Variants in OXSR1 observed in about 807,000 individuals in gnomAD.
OXSR1 encodes the protein oxidative stress responsive kinase 1.
OXSR1 carries 24 observed loss-of-function variants against 79.8 expected under a neutral mutation model. That is an observed-to-expected ratio of 0.30 (90% CI 0.22 to 0.42). OXSR1 has a LOEUF of 0.42. Ranked by LOEUF, OXSR1 falls within the 10% of genes least tolerant of loss-of-function variation. The pLI is 1.00. For synonymous variants in OXSR1, 226 were observed against 209.2 expected (o/e 1.08, Z -0.69); for missense variants, 430 against 618.4 (o/e 0.70, Z 3.23).
intron 4 of OXSR1, among the ~76,000 whole-genome samples, chr3:38,214,988 G>A (rs894595462): frequency 6.6e-6 from 1 of 152,108 alleles, no homozygotes; most frequent in Non-Finnish European, 1.5e-5. Context: ...AGCTTCAAGG[G>A]CTACCTTTCT....
intron 4 of OXSR1, among the ~76,000 whole-genome samples, chr3:38,212,806 T>C (rs902898456): frequency 9.2e-5 from 14 of 152,358 alleles, no homozygotes; most frequent in Non-Finnish European, 1.3e-4. Context: ...GCTGCTGACT[T>C]GCTTGATATT....
At chr3:38,217,191 G>T (rs1172214637) in intron 5 of OXSR1, among the ~76,000 whole-genome samples, 3 of 152,180 alleles carry the variant, frequency 2.0e-5, no homozygotes, top group African/African-American at 7.2e-5. Context: ...CTAGTAATTT[G>T]TTAAATGCAA....
At chr3:38,166,486 T>G (rs908747419) in intron 1 of OXSR1, among the ~76,000 whole-genome samples, 1 of 151,788 alleles carries the variant, frequency 6.6e-6, no homozygotes, top group African/African-American at 2.4e-5. Context: ...AGACATTAAA[T>G]AAGAAGACAA....
Position 38,224,737 on chromosome 3 carries a change from T to C in OXSR1, c.836+33T>C, listed in dbSNP as rs140121989. 1.3e-4 allele frequency: 183 copies of C among 1,418,822 alleles called. No homozygotes were observed. The African/African-American group carries it at 2.4e-3, about 18-fold the overall frequency. The allele number at this position is 1,418,822 out of a possible 1,614,324, so 87.9% of individuals were successfully genotyped here. A position where few individuals can be genotyped will look rare whatever the true frequency, so the allele number is the denominator to read the frequency against. On this transcript the variant is annotated intron_variant, in intron 8 of 17. Coordinates refer to ENST00000311806, the MANE Select transcript of OXSR1 (RefSeq NM_005109.3). ...ATGAGAAAAAGTCTACTTTTCTCTC[T>C]AATAAAACATTGTGAGAAGTCTAAG...
At chr3:38,218,340 C>T (rs192740805) in intron 5 of OXSR1, among the ~76,000 whole-genome samples, 1 of 151,716 alleles carries the variant, frequency 6.6e-6, no homozygotes, top group African/African-American at 2.4e-5. Context: ...TTTGTTTTTT[C>T]AGGTGGTAGC....
chr3:38,185,903 C>A (rs576273548), intron 2 of OXSR1, among the ~76,000 whole-genome samples: 1 of 136,440 alleles, frequency 7.3e-6, no homozygotes, highest in East Asian at 2.4e-4. Flanking sequence ...CACGTTCATG[C>A]CACTGCATGC....
At chr3:38,218,326 G>T (rs1191361817) in intron 5 of OXSR1, among the ~76,000 whole-genome samples, 2 of 151,836 alleles carry the variant, frequency 1.3e-5, no homozygotes, top group African/African-American at 4.8e-5. Context: ...TAGTTTCTGG[G>T]TTTTTTGTTT....
Position 38,224,615 on chromosome 3 carries a change from T to C in OXSR1, c.747T>C (p.Thr249=), listed in dbSNP as rs896707963. The C allele has an allele frequency of 5.0e-6, 8 of 1,595,996 alleles. No homozygotes were observed. The highest frequency in any genetic ancestry group is 6.8e-6 in the Non-Finnish European group (8 of 1,172,694). The change falls in exon 8 of 18, where the codon ACT becomes ACC. Residue 249 remains threonine (T), a synonymous_variant. Coordinates refer to ENST00000311806, the MANE Select transcript of OXSR1 (RefSeq NM_005109.3). Reference sequence around the variant, plus strand: ...AGAACGATCCTCCTTCTTTGGAAACTGGTGTTCAAGATAAAGAAATGCTGA... The same window carrying C: ...AGAACGATCCTCCTTCTTTGGAAACCGGTGTTCAAGATAAAGAAATGCTGA... ...TLQNDPPSLE[T]GVQDKEMLKK...
At chr3:38,195,216 G>C (rs1702052445) in intron 3 of OXSR1, among the ~76,000 whole-genome samples, 1 of 151,444 alleles carries the variant, frequency 6.6e-6, no homozygotes, top group African/African-American at 2.4e-5. Flanking sequence ...CTTCTGAGAG[G>C]AAAAAAAAGG....
At chr3:38,250,208 A>G (rs1703227701) in intron 15 of OXSR1, 190 bp downstream of exon 15, 1 of 557,006 alleles carries the variant, frequency 1.8e-6, no homozygotes, top group African/African-American at 1.9e-5. Context: ...AAAACCTTGT[A>G]TAATAATACA....
chr3:38,222,462 G>T (rs1432345336), intron 6 of OXSR1, among the ~76,000 whole-genome samples: 1 of 152,108 alleles, frequency 6.6e-6, no homozygotes, highest in Non-Finnish European at 1.5e-5. Flanking sequence ...GGATTGTTGG[G>T]CTAGGAGACA....
At chr3:38,221,734 G>C in intron 6 of OXSR1, 47 bp downstream of exon 6, 1 of 1,170,462 alleles carries the variant, frequency 8.5e-7, no homozygotes, top group Admixed American at 2.0e-5. Context: ...GCTTTGTTTT[G>C]AAACTGAAAA....
At position 38,230,400 on chromosome 3, in the gene OXSR1, A is replaced by C. The variant is rs760822205; in HGVS notation, c.921A>C (p.Arg307Ser). The C allele has an allele frequency of 6.2e-7, 1 of 1,602,852 alleles. No individual in the cohort carries two copies. The highest frequency in any genetic ancestry group is 8.5e-7 in the Non-Finnish European group (1 of 1,171,006). ...KEFLQEKTLQRAPTISERAKK... is the reference protein window; with the variant it reads ...KEFLQEKTLQSAPTISERAKK... ...TTCTTCAAGAAAAAACATTGCAGAG[A>C]GCACCAACCATTTCTGAAAGAGCAA... Residue 307 changes from arginine (R) to serine (S), a missense_variant, in exon 10 of 18, where the codon AGA (arginine) becomes AGC (serine). This residue lies in a region of OXSR1 where 276 missense variants were observed against 354.2 expected (regional missense o/e 0.78). Transcript: ENST00000311806.
At chr3:38,207,908 C>CCCCCTCCCCT (rs1294902862) in intron 4 of OXSR1, among the ~76,000 whole-genome samples, 2 of 99,196 alleles carry the variant, frequency 2.0e-5, no homozygotes, top group Admixed American at 2.5e-4. Flanking sequence ...CCTCCCCCCT[C>CCCCCTCCCCT]CCCCTCCCCT....
At chr3:38,201,892 A>T (rs1438377381) in intron 4 of OXSR1, among the ~76,000 whole-genome samples, 2 of 152,096 alleles carry the variant, frequency 1.3e-5, no homozygotes, top group African/African-American at 2.4e-5. Context: ...CTCTTTCTCC[A>T]TTTTTGTCTT....
chr3:38,200,404 G>A (rs910375501), intron 4 of OXSR1, among the ~76,000 whole-genome samples: 3 of 152,152 alleles, frequency 2.0e-5, no homozygotes, highest in African/African-American at 7.2e-5. Context: ...GAAAAACTCA[G>A]GAAACATAAT....
intron 4 of OXSR1, among the ~76,000 whole-genome samples, chr3:38,214,497 T>C (rs1702446822): frequency 1.3e-5 from 2 of 152,200 alleles, no homozygotes; most frequent in African/African-American, 4.8e-5. Flanking sequence ...AACTATACTT[T>C]TCTTCCCTCA....
intron 3 of OXSR1, chr3:38,193,294 G>A: frequency 7.8e-7 from 1 of 1,289,738 alleles, no homozygotes; most frequent in Non-Finnish European, 1.0e-6. Context: ...ACACACTGGA[G>A]AAACTGGATT....
At chr3:38,168,632 A>T (rs1575300538) in intron 1 of OXSR1, among the ~76,000 whole-genome samples, 1 of 152,224 alleles carries the variant, frequency 6.6e-6, no homozygotes, top group African/African-American at 2.4e-5. Context: ...GAACATTTCC[A>T]TCATTCCAGA....
Sources: allele counts gnomAD v4.1 joint callset (sites outside exome capture counted in the v4.1 genomes callset), GRCh38; gene constraint gnomAD v4.1.1; regional missense constraint gnomAD v4.1.1; transcripts MANE v1.5; gene names NCBI Gene and HGNC (gene_info 2026-07-23, HGNC 2026-07-21).